Variants in PXK observed in about 807,000 individuals in gnomAD.
PXK encodes the protein PX domain-containing protein kinase-like protein.
PXK carries 35 observed loss-of-function variants against 84.7 expected under a neutral mutation model. The observed-to-expected ratio is 0.41, with a 90% CI of 0.32 to 0.55. The LOEUF is 0.55. Ranked by LOEUF, PXK falls within the 20% of genes least tolerant of loss-of-function variation. PXK has a pLI of 0.21. For missense variants in PXK, 634 were observed against 699.7 expected, an observed-to-expected ratio of 0.91 and a Z score of 1.06; for synonymous variants, 253 against 260.8, an observed-to-expected ratio of 0.97 and a Z score of 0.29.
At chr3:58,391,557 G>A (rs868283164) in intron 6 of PXK, among the ~76,000 whole-genome samples, 1 of 151,864 alleles carries the variant, frequency 6.6e-6, no homozygotes, top group Admixed American at 6.6e-5. Context: ...GAGAGTTTTA[G>A]TGATAGATTT....
intron 3 of PXK, among the ~76,000 whole-genome samples, chr3:58,372,432 C>T (rs1264808548): frequency 6.6e-6 from 1 of 151,916 alleles, no homozygotes; most frequent in African/African-American, 2.4e-5. Context: ...ACCTCATTCT[C>T]CTGCCTCAGC....
At chr3:58,392,629 T>A (rs2098642151) in intron 7 of PXK, among the ~76,000 whole-genome samples, 1 of 151,872 alleles carries the variant, frequency 6.6e-6, no homozygotes, top group Admixed American at 6.6e-5. Flanking sequence ...TGATTGGTTG[T>A]GTGACATAGG....
chr3:58,379,037 C>T lies in PXK; in HGVS notation c.202-3477C>T, dbSNP rs1477878786. On this transcript the variant is annotated intron_variant, in intron 3 of 17. Coordinates refer to ENST00000356151, the MANE Select transcript of PXK (RefSeq NM_017771.5). The surrounding 1 kb of genome is among the most constrained non-coding windows in gnomAD (Gnocchi z 5.1). ...TCCTGGGTTCAAGCAATTCTCCTGCCTCAGCCTCCTGAGTAGCTGGGATTA... is the reference window on the plus strand; with the variant it reads ...TCCTGGGTTCAAGCAATTCTCCTGCTTCAGCCTCCTGAGTAGCTGGGATTA... Among the ~76,000 whole-genome samples, 5 of 151,982 alleles carry T rather than the reference C, an allele frequency of 3.3e-5. No individual in the cohort carries two copies. The highest frequency in any genetic ancestry group is 7.4e-5 in the Non-Finnish European group (5 of 68,016).
At position 58,390,666 on chromosome 3, in the gene PXK, C is replaced by A. The variant is rs773594951; in HGVS notation, c.466+7C>A. ...GAACCTTTGAAAGACATAGGTGAGA[C>A]ATTGGCACGCTCATTCTGTTAAAAA... On this transcript the variant is annotated splice_region_variant and intron_variant, in intron 5 of 17. Transcript: ENST00000356151. This position sits in a 1 kb window ranked among gnomAD's most constrained non-coding sequence, Gnocchi z 4.2. 6.8e-6 allele frequency: 11 copies of A among 1,608,406 alleles called. No individual in the cohort carries two copies. The East Asian group carries it at 2.5e-4, about 36-fold the overall frequency.
At chr3:58,339,267 G>C (rs954984050) in intron 1 of PXK, among the ~76,000 whole-genome samples, 1 of 146,090 alleles carries the variant, frequency 6.8e-6, no homozygotes, top group African/African-American at 2.5e-5. Context: ...GTCTTACTCT[G>C]TTGCCCAGGC....
rs1375300717 is a variant in PXK, at chr3:58,424,661, T to C, written c.1529-91T>C. ...CCCTCTGAGAAAAACATGTGGACTC[T>C]CACCAGTCCGTTGTGCTCAGGACTG... On this transcript the variant is annotated intron_variant, in intron 17 of 17. Transcript: ENST00000356151. The C allele has an allele frequency of 4.4e-5, 66 of 1,492,366 alleles. No individual in the cohort carries two copies. The East Asian group carries it at 1.5e-3, about 35-fold the overall frequency. 92.4% of individuals were successfully genotyped at this position (1,492,366 alleles called of 1,614,324 possible).
chr3:58,359,580 G>C (rs371027985), intron 1 of PXK, among the ~76,000 whole-genome samples: 1 of 151,054 alleles, frequency 6.6e-6, no homozygotes, highest in Non-Finnish European at 1.5e-5. Context: ...TGAAGCAATC[G>C]ATGCGCAAAG....
At chr3:58,355,249 T>G (rs893025387) in intron 1 of PXK, among the ~76,000 whole-genome samples, 1 of 152,096 alleles carries the variant, frequency 6.6e-6, no homozygotes, top group African/African-American at 2.4e-5. Flanking sequence ...CTCTAGGTGA[T>G]TCTAGAATGC....
intron 3 of PXK, among the ~76,000 whole-genome samples, chr3:58,377,060 C>A (rs1163484684): frequency 6.6e-6 from 1 of 152,158 alleles, no homozygotes; most frequent in Non-Finnish European, 1.5e-5. Flanking sequence ...AAAAAAGAAA[C>A]TGCTATTAGA....
chr3:58,347,236 T>G (rs1211999609), intron 1 of PXK, among the ~76,000 whole-genome samples: 1 of 152,170 alleles, frequency 6.6e-6, no homozygotes, highest in Non-Finnish European at 1.5e-5. Context: ...TCTCTCTCTG[T>G]TTCTCTCTTT....
rs1030177102 is a variant in PXK at position 58,383,153 on chromosome 3, A to T, written c.388+453A>T. The stretch of plus-strand genomic sequence containing the variant: ...CTAAAAATACAAAAATTAGCCAGGC[A>T]TAGTGGCACATGCCTGTAATCCTAG... On this transcript the variant is annotated intron_variant, in intron 4 of 17. Coordinates refer to ENST00000356151, the MANE Select transcript of PXK (RefSeq NM_017771.5). This position sits in a 1 kb window ranked among gnomAD's most constrained non-coding sequence, Gnocchi z 4.0. Among the ~76,000 whole-genome samples the T allele has an allele frequency of 2.0e-5, 3 of 152,152 alleles. No homozygotes were observed. The highest frequency in any genetic ancestry group is 6.5e-5 in the Admixed American group (1 of 15,278).
chr3:58,384,959 G>A (rs2098539117), intron 4 of PXK, among the ~76,000 whole-genome samples: 1 of 152,188 alleles, frequency 6.6e-6, no homozygotes, highest in Admixed American at 6.5e-5. Context: ...CCCCAGAGAG[G>A]GAGGGCCCTA....
Position 58,394,565 on chromosome 3 carries a change from A to G in PXK, c.616-433A>G, listed in dbSNP as rs78929531. Among the ~76,000 whole-genome samples the G allele has an allele frequency of 7.0e-4, 106 of 152,322 alleles. 3 individuals carry two copies. The East Asian group carries it at 0.019, about 28-fold the overall frequency. ...TGGAATGTTAGGCAAAGCTGTGAGC[A>G]AAGACACATTGATCCTGGTCTCCAT... On this transcript the variant is annotated intron_variant, in intron 7 of 17. Coordinates refer to ENST00000356151, the MANE Select transcript of PXK (RefSeq NM_017771.5).
intron 1 of PXK, among the ~76,000 whole-genome samples, chr3:58,350,965 A>G (rs1337947423): frequency 2.6e-5 from 4 of 152,122 alleles, no homozygotes; most frequent in African/African-American, 7.2e-5. Context: ...ACTTCAGCCT[A>G]TAGTTTCAAG....
At chr3:58,362,501 A>G (rs12637255) in intron 1 of PXK, among the ~76,000 whole-genome samples, 34,894 of 152,186 alleles carry the variant, frequency 0.23, 5,945 homozygotes, top group East Asian at 0.81. Flanking sequence ...TGAGTGTCCA[A>G]TTGCTCTGGC....
intron 2 of PXK, among the ~76,000 whole-genome samples, 161 bp from the exon 3 acceptor site, chr3:58,369,270 G>A (rs72872414): frequency 6.6e-6 from 1 of 152,322 alleles, no homozygotes; most frequent in African/African-American, 2.4e-5. Context: ...TTCTAGGCTT[G>A]TCAGGTTAAA....
intron 1 of PXK, among the ~76,000 whole-genome samples, chr3:58,351,253 C>G (rs1360367418): frequency 5.9e-5 from 9 of 152,146 alleles, no homozygotes; most frequent in African/African-American, 1.9e-4. Context: ...ATCGCCCAGG[C>G]TGGAGTGCAG....
chr3:58,422,660 G>A (rs561161168), intron 17 of PXK: 901 of 985,286 alleles, frequency 9.1e-4, no homozygotes, highest in Non-Finnish European at 1.1e-3. Flanking sequence ...TTGAGGGCCT[G>A]GTAATGACGC....
Position 58,401,956 on chromosome 3 carries a change from C to T in PXK, c.1182-1906C>T, listed in dbSNP as rs1292718886. On this transcript the variant is annotated intron_variant, in intron 12 of 17. Coordinates refer to ENST00000356151, the MANE Select transcript of PXK (RefSeq NM_017771.5). The surrounding 1 kb of genome is among the most constrained non-coding windows in gnomAD (Gnocchi z 4.4). Reference sequence around the variant, plus strand: ...CAGGATATTCAGCCAGGCATACTGGCACATGCCTGTAGTTCCAGCTACTCA... The same window carrying T: ...CAGGATATTCAGCCAGGCATACTGGTACATGCCTGTAGTTCCAGCTACTCA... Among the ~76,000 whole-genome samples, 1 of 152,088 alleles carries T rather than the reference C, an allele frequency of 6.6e-6. No homozygotes were observed. The highest frequency in any genetic ancestry group is 2.4e-5 in the African/African-American group (1 of 41,404).
Sources: gnomAD v4.1 joint callset for allele counts (sites outside exome capture counted in the v4.1 genomes callset) on GRCh38, gnomAD v4.1.1 for gene constraint, Gnocchi (gnomAD v3.1) non-coding constraint, MANE v1.5 for transcripts, NCBI Gene and HGNC (gene_info 2026-07-23, HGNC 2026-07-21) for gene names.